Variants in ERG observed in about 807,000 individuals in gnomAD.
ERG encodes the protein transcriptional regulator ERG.
A neutral mutation model predicts 55.3 loss-of-function variants in ERG; 9 were observed. The observed-to-expected ratio is 0.16, with a 90% CI of 0.10 to 0.28. The LOEUF is 0.28. Among genes scored for constraint, ERG ranks in the 10% least tolerant of loss-of-function variants. ERG has a pLI of 1.00. For synonymous variants in ERG, 223 were observed against 237.3 expected, an observed-to-expected ratio of 0.94 and a Z score of 0.55; for missense variants, 434 against 631.6, an observed-to-expected ratio of 0.69 and a Z score of 3.35.
chr21:38,481,924 T>C (rs1940585250), intron 1 of ERG, among the ~76,000 whole-genome samples: 1 of 152,224 alleles, frequency 6.6e-6, no homozygotes, highest in Admixed American at 6.5e-5. Context: ...ATATAATAGA[T>C]TGTCAAAGTT....
At chr21:38,634,996 G>A (rs1229757012) in intron 1 of ERG, among the ~76,000 whole-genome samples, 3 of 152,062 alleles carry the variant, frequency 2.0e-5, no homozygotes, top group Non-Finnish European at 4.4e-5. Context: ...GCCAAACCAC[G>A]AAAAAACACG....
At chr21:38,423,123 G>A (rs1057219264) in intron 3 of ERG, among the ~76,000 whole-genome samples, 1 of 146,056 alleles carries the variant, frequency 6.8e-6, no homozygotes, top group Non-Finnish European at 1.5e-5. Flanking sequence ...GTGTGTGTGT[G>A]TATTTTTCTC....
chr21:38,593,000 T>G (rs538779795), intron 1 of ERG, among the ~76,000 whole-genome samples: 1 of 152,368 alleles, frequency 6.6e-6, no homozygotes, highest in Admixed American at 6.5e-5. Flanking sequence ...CAGGTATTAA[T>G]GTGCCTGTGG....
intron 3 of ERG, among the ~76,000 whole-genome samples, chr21:38,408,240 T>G (rs1439652150): frequency 6.6e-6 from 1 of 152,198 alleles, no homozygotes; most frequent in Admixed American, 6.5e-5. Flanking sequence ...TAGAGGACAG[T>G]TTGCAGGGGA....
chr21:38,601,312 C>T (rs2060163164), intron 1 of ERG, among the ~76,000 whole-genome samples: 1 of 152,104 alleles, frequency 6.6e-6, no homozygotes, highest in African/African-American at 2.4e-5. Flanking sequence ...AAAATACCTA[C>T]AACGTTTTAC....
At chr21:38,637,345 A>T (rs1340334578) in intron 1 of ERG, among the ~76,000 whole-genome samples, 2 of 152,204 alleles carry the variant, frequency 1.3e-5, no homozygotes, top group Non-Finnish European at 2.9e-5. Context: ...AGCTTAAGAA[A>T]CAATCCAGTG....
chr21:38,492,666 G>A (rs2059346527), intron 1 of ERG, among the ~76,000 whole-genome samples: 5 of 152,168 alleles, frequency 3.3e-5, no homozygotes, highest in Admixed American at 3.3e-4. Context: ...CACAAGCAAA[G>A]CTGGGAGAAT....
intron 2 of ERG, among the ~76,000 whole-genome samples, chr21:38,547,241 T>A (rs2059793426): frequency 6.6e-6 from 1 of 152,244 alleles, no homozygotes; most frequent in African/African-American, 2.4e-5. Flanking sequence ...GGCATGAATA[T>A]CTAGCTTCCC....
chr21:38,580,261 C>CT (rs1201327677), intron 1 of ERG, among the ~76,000 whole-genome samples: 9 of 152,194 alleles, frequency 5.9e-5, no homozygotes, highest in Admixed American at 1.3e-4. Flanking sequence ...CCCTCTCTGA[C>CT]TCTTTTTGCA....
chr21:38,537,712 C>G (rs2146787825), intron 2 of ERG, among the ~76,000 whole-genome samples: 2 of 152,246 alleles, frequency 1.3e-5, no homozygotes, highest in East Asian at 3.9e-4. Flanking sequence ...AAATCTTATG[C>G]ACTGGTGGTG....
chr21:38,534,948 T>C (rs2059698784), intron 2 of ERG, among the ~76,000 whole-genome samples: 1 of 151,916 alleles, frequency 6.6e-6, no homozygotes, highest in Non-Finnish European at 1.5e-5. Context: ...ATTAAAGTGG[T>C]TTTTTTAATC....
intron 1 of ERG, among the ~76,000 whole-genome samples, chr21:38,635,477 T>C (rs1944235129): frequency 6.6e-6 from 1 of 151,914 alleles, no homozygotes; most frequent in Non-Finnish European, 1.5e-5. Context: ...ACCAGATATA[T>C]GCATAAATAA....
chr21:38,540,120 T>C (rs1488171749), intron 2 of ERG, among the ~76,000 whole-genome samples: 3 of 151,828 alleles, frequency 2.0e-5, no homozygotes, highest in African/African-American at 7.3e-5. Flanking sequence ...GGTCTCAAAC[T>C]CCCGACCTCA....
At chr21:38,534,946 G>A (rs1034529291) in intron 2 of ERG, among the ~76,000 whole-genome samples, 4 of 152,062 alleles carry the variant, frequency 2.6e-5, no homozygotes, top group African/African-American at 7.2e-5. Context: ...AAATTAAAGT[G>A]GTTTTTTTAA....
intron 2 of ERG, 30 bp from the exon 3 acceptor site, chr21:38,423,591 A>G: frequency 6.3e-7 from 1 of 1,587,336 alleles, no homozygotes; most frequent in Non-Finnish European, 8.6e-7. Context: ...CTTCCATTAT[A>G]ACAGCAATCA....
At chr21:38,398,141 T>C (rs1226461123) in intron 6 of ERG, among the ~76,000 whole-genome samples, 1 of 152,156 alleles carries the variant, frequency 6.6e-6, no homozygotes, top group East Asian at 1.9e-4. Context: ...AGATTCCCAG[T>C]GACCTCCCTC....
the ERG span, among the ~76,000 whole-genome samples, chr21:38,370,468 G>C: frequency 1.3e-5 from 2 of 151,902 alleles, no homozygotes; most frequent in African/African-American, 2.4e-5. Flanking sequence ...ACAGGTTGTA[G>C]TTTTTATGTC....
chr21:38,661,735 C>CGGA (rs2060558419), upstream of ERG: 2 of 152,060 alleles, frequency 1.3e-5, no homozygotes, highest in Non-Finnish European at 2.9e-5. Context: ...GAACCTGTCC[C>CGGA]GCAGCGATCT....
intron 2 of ERG, among the ~76,000 whole-genome samples, chr21:38,519,604 C>T (rs762412272): frequency 6.6e-6 from 1 of 152,104 alleles, no homozygotes; most frequent in African/African-American, 2.4e-5. Flanking sequence ...TTGATGTAGT[C>T]GACAGAAGTC....
Sources: gnomAD v4.1 joint callset for allele counts (sites outside exome capture counted in the v4.1 genomes callset) on GRCh38, gnomAD v4.1.1 for gene constraint, MANE v1.5 for transcripts, NCBI Gene and HGNC (gene_info 2026-07-23, HGNC 2026-07-21) for gene names.